CFH: variants seen among roughly 807,000 people sequenced by gnomAD.
The protein encoded by CFH is complement factor H.
CFH carries 53 observed loss-of-function variants against 147.3 expected under a neutral mutation model. The observed-to-expected ratio is 0.36, with a 90% CI of 0.29 to 0.45. The LOEUF is 0.45. CFH is among the 20% of genes least tolerant of loss of function. CFH has a pLI of 1.00. For synonymous variants in CFH, 536 were observed against 489.4 expected (o/e 1.10, Z -1.26); for missense variants, 1,380 against 1,498.0 (o/e 0.92, Z 1.30).
Position 196,737,006 on chromosome 1 carries a change from G to A in CFH, c.2596G>A (p.Glu866Lys). Residue 866 changes from glutamate to lysine, a missense_variant and splice_region_variant, in exon 16 of 22, where the codon GAA (glutamate) becomes AAA (lysine). By Grantham distance (56) the Glu-to-Lys change is moderately conservative (BLOSUM62 1). Coordinates refer to ENST00000367429, the MANE Select transcript of CFH (RefSeq NM_000186.4). ...ATGGCAGTCAATACCACTCTGTGTT[G>A]GTCAGTAGTGTATAATTTGTTTTAC... is the stretch of plus-strand genomic sequence containing the variant. The part of the protein sequence containing the change: ...GRWQSIPLCV[E>K]KIPCSQPPQI... The A allele has an allele frequency of 1.2e-6, 2 of 1,606,910 alleles. No individual in the cohort carries two copies. The highest frequency in any genetic ancestry group is 1.7e-6 in the Non-Finnish European group (2 of 1,174,938).
intron 1 of CFH, among the ~76,000 whole-genome samples, chr1:196,667,066 A>T (rs565614986): frequency 6.6e-6 from 1 of 152,164 alleles, no homozygotes; most frequent in South Asian, 2.1e-4. Context: ...TTTCTATTGG[A>T]TATTGGAAAC....
intron 1 of CFH, among the ~76,000 whole-genome samples, chr1:196,663,916 C>A (rs1007082359): frequency 6.6e-6 from 1 of 152,168 alleles, no homozygotes; most frequent in Non-Finnish European, 1.5e-5. Context: ...ATGGTGAATG[C>A]CCACAGTGCA....
intron 9 of CFH, among the ~76,000 whole-genome samples, chr1:196,700,149 G>A (rs570742668): frequency 5.9e-5 from 9 of 152,136 alleles, no homozygotes; most frequent in Non-Finnish European, 8.8e-5. Context: ...CCCCTTACCC[G>A]AATCAATTGA....
rs185438341 is a variant in CFH, at chr1:196,656,341, A to G, written c.58+4166A>G. ...AAAAAAAAGAAAGAAAGAAAGAAAG[A>G]AAAGGAAAAAGCAATATTCTTTCAG... On this transcript the variant is annotated intron_variant, in intron 1 of 21. Transcript: ENST00000367429. 8.6e-3 allele frequency among the ~76,000 whole-genome samples: 1,300 copies of G among 151,694 alleles called. 18 individuals are homozygous for G. The highest frequency in any genetic ancestry group is 0.03 in the African/African-American group (1,241 of 41,440).
intron 9 of CFH, among the ~76,000 whole-genome samples, chr1:196,695,577 A>G (rs747325629): frequency 6.6e-6 from 1 of 150,530 alleles, no homozygotes; most frequent in Non-Finnish European, 1.5e-5. Flanking sequence ...ATAGCATTGT[A>G]TGTATCAACT....
Position 196,677,538 on chromosome 1 carries a change from C to T in CFH, c.490C>T (p.Pro164Ser), listed in dbSNP as rs1202120892. The T allele has an allele frequency of 6.2e-7, 1 of 1,613,132 alleles. No homozygotes were observed. The highest frequency in any genetic ancestry group is 2.2e-5 in the East Asian group (1 of 44,776). ...NGKIVSSAME[P>S]DREYHFGQAV... Reference sequence around the variant, plus strand: ...AAAAATTGTCAGTAGTGCAATGGAACCAGATCGGGAATACCATTTTGGACA... The same window carrying T: ...AAAAATTGTCAGTAGTGCAATGGAATCAGATCGGGAATACCATTTTGGACA... The change falls in exon 5 of 22, where the codon CCA (proline) becomes TCA (serine). Residue 164 changes from proline (P) to serine (S), a missense_variant. Physicochemically the swap from Pro to Ser is moderately conservative, Grantham distance 74. This residue lies in a region of CFH where 260 missense variants were observed against 263.3 expected (regional missense o/e 0.99). Coordinates refer to ENST00000367429, the MANE Select transcript of CFH (RefSeq NM_000186.4).
rs549305297 is a variant in CFH at position 196,666,930 on chromosome 1, G to A, written c.59-6048G>A. Among the ~76,000 whole-genome samples, 54 of 151,782 alleles carry A rather than the reference G, an allele frequency of 3.6e-4. No individual in the cohort carries two copies. The South Asian group carries it at 0.011, about 32-fold the overall frequency. ...AGAGTGGCTTTAATTTTTTGAGATT[G>A]GTAGAGATTTGCTTGGAATGAATAT... On this transcript the variant is annotated intron_variant, in intron 1 of 21. Coordinates refer to ENST00000367429, the MANE Select transcript of CFH (RefSeq NM_000186.4).
At chr1:196,743,052 C>T (rs1040697921) in intron 19 of CFH, among the ~76,000 whole-genome samples, 1 of 151,966 alleles carries the variant, frequency 6.6e-6, no homozygotes, top group Non-Finnish European at 1.5e-5. Context: ...TGATTGCAAA[C>T]AAAAATCTGG....
intron 9 of CFH, among the ~76,000 whole-genome samples, chr1:196,698,329 T>C (rs928744867): frequency 6.6e-6 from 1 of 151,914 alleles, no homozygotes; most frequent in Non-Finnish European, 1.5e-5. Flanking sequence ...CTACTAGCCA[T>C]ACTAATAAAG....
At chr1:196,743,321 A>G (rs1441678801) in intron 19 of CFH, 131 bp from the exon 20 acceptor site, 2 of 1,367,440 alleles carry the variant, frequency 1.5e-6, no homozygotes, top group Non-Finnish European at 2.0e-6. Context: ...AATTTATTAA[A>G]ATCAACAAAA....
intron 6 of CFH, among the ~76,000 whole-genome samples, chr1:196,683,769 A>G (rs1021680688): frequency 6.6e-6 from 1 of 151,852 alleles, no homozygotes; most frequent in Non-Finnish European, 1.5e-5. Context: ...GCTGGAAAGA[A>G]GTATAGGAAA....
chr1:196,679,745 G>T lies in CFH; in HGVS notation c.742G>T (p.Asp248Tyr). 6.2e-7 allele frequency: 1 copy of T among 1,611,898 alleles called. No individual in the cohort carries two copies. Among genetic ancestry groups the T allele is most frequent in the Non-Finnish European group, 8.5e-7 (1 of 1,178,584 alleles). ...GGGTTATGAATACAGTGAAAGAGGA[G>T]ATGCTGTATGCACTGAATCTGGATG... ...NMGYEYSERG[D>Y]AVCTESGWRP... The change falls in exon 6 of 22, where the codon GAT (aspartate) becomes TAT (tyrosine). Residue 248 changes from aspartate (D) to tyrosine (Y), a missense_variant. Physicochemically the swap from Asp to Tyr is radical, Grantham distance 160 (BLOSUM62 -3). Around this residue, in one of 4 missense-constraint regions of CFH, gnomAD observed 167 missense variants for 228.0 expected, o/e 0.73. Transcript: ENST00000367429.
chr1:196,677,717 T>A, intron 5 of CFH, 50 bp downstream of exon 5: 2 of 1,514,846 alleles, frequency 1.3e-6, no homozygotes, highest in South Asian at 2.3e-5. Flanking sequence ...AATGTAAATA[T>A]ACATTTAAAA....
intron 15 of CFH, among the ~76,000 whole-genome samples, chr1:196,730,052 G>A (rs187927113): frequency 3.3e-5 from 5 of 150,966 alleles, no homozygotes; most frequent in Admixed American, 3.3e-4. Context: ...TTGATATTTT[G>A]TACTGCTTTG....
In CFH at chr1:196,743,743, G is replaced by A. The variant is rs952908716; in HGVS notation, c.3310+115G>A. 4.2e-6 allele frequency: 6 copies of A among 1,418,044 alleles called. No individual in the cohort carries two copies. The South Asian group carries it at 5.9e-5, about 14-fold the overall frequency. The allele number at this position is 1,418,044 out of a possible 1,614,324, so 87.8% of individuals were successfully genotyped here. Reference sequence around the variant, plus strand: ...TAGATTTTTCAAATGCAAATAAAATGACTGATGGTGCTTAAAATTCAATTC... The same window carrying A: ...TAGATTTTTCAAATGCAAATAAAATAACTGATGGTGCTTAAAATTCAATTC... On this transcript the variant is annotated intron_variant, in intron 20 of 21. Transcript: ENST00000367429.
At chr1:196,700,295 C>T (rs998574093) in intron 9 of CFH, among the ~76,000 whole-genome samples, 1 of 152,166 alleles carries the variant, frequency 6.6e-6, no homozygotes, top group Non-Finnish European at 1.5e-5. Flanking sequence ...CTGTTGCAAA[C>T]TCCACTGTCT....
intron 9 of CFH, among the ~76,000 whole-genome samples, chr1:196,690,938 C>T (rs1390079216): frequency 1.3e-5 from 2 of 152,124 alleles, no homozygotes. Context: ...ATGAACATGC[C>T]TAGTCCCAGG....
At chr1:196,726,218 T>G (rs1669133301) in intron 12 of CFH, among the ~76,000 whole-genome samples, 1 of 152,176 alleles carries the variant, frequency 6.6e-6, no homozygotes, top group African/African-American at 2.4e-5. Context: ...TAACCACATT[T>G]GCTAATTGGT....
chr1:196,659,784 T>C (rs1666842128), intron 1 of CFH, among the ~76,000 whole-genome samples: 1 of 152,148 alleles, frequency 6.6e-6, no homozygotes, highest in Non-Finnish European at 1.5e-5. Flanking sequence ...TAATCCTCAA[T>C]TTGGTCCAGT....
Sources: allele counts gnomAD v4.1 joint callset (sites outside exome capture counted in the v4.1 genomes callset), GRCh38; gene constraint gnomAD v4.1.1; regional missense constraint gnomAD v4.1.1; transcripts MANE v1.5; gene names NCBI Gene and HGNC (gene_info 2026-07-23, HGNC 2026-07-21).